ERBB4: variants seen among roughly 807,000 people sequenced by gnomAD.
ERBB4 encodes receptor tyrosine-protein kinase erbB-4.
A neutral mutation model predicts 158.0 loss-of-function variants in ERBB4; 42 were observed. The ratio of observed to expected loss-of-function variants is 0.27; its 90% CI spans 0.21 to 0.34. The LOEUF is 0.34. Ranked by LOEUF, ERBB4 falls within the 10% of genes least tolerant of loss-of-function variation. ERBB4 has a pLI of 1.00. For missense variants in ERBB4, 1,333 were observed against 1,624.1 expected, an observed-to-expected ratio of 0.82 and a Z score of 3.08; for synonymous variants, 583 against 558.7, an observed-to-expected ratio of 1.04 and a Z score of -0.61.
intron 1 of ERBB4, among the ~76,000 whole-genome samples, chr2:212,311,671 TTAAAAAC>T (rs2087051029): frequency 6.6e-6 from 1 of 150,996 alleles, no homozygotes; most frequent in South Asian, 2.1e-4. Context: ...CCTAAATTTT[TTAAAAAC>T]CACAAATGGG....
intron 4 of ERBB4, chr2:211,777,422 C>T (rs2075909286): frequency 6.6e-6 from 1 of 152,260 alleles, no homozygotes; most frequent in Non-Finnish European, 1.5e-5. Flanking sequence ...CCAAACATTA[C>T]CACTCTAAAT....
intron 1 of ERBB4, among the ~76,000 whole-genome samples, chr2:212,345,628 G>A (rs1234600537): frequency 5.3e-5 from 8 of 152,036 alleles, no homozygotes; most frequent in Non-Finnish European, 7.4e-5. Flanking sequence ...ATATTTCTGG[G>A]TAAATAACAG....
At chr2:211,793,025 T>G (rs538118848) in intron 3 of ERBB4, among the ~76,000 whole-genome samples, 1 of 151,954 alleles carries the variant, frequency 6.6e-6, no homozygotes, top group East Asian at 1.9e-4. Context: ...ATGACCTAAT[T>G]GTGATGTAAC....
intron 7 of ERBB4, among the ~76,000 whole-genome samples, chr2:211,719,620 C>A (rs947897688): frequency 6.6e-6 from 1 of 152,028 alleles, no homozygotes; most frequent in South Asian, 2.1e-4. Context: ...CTTTGGGAGG[C>A]CGAGGCGGGC....
chr2:212,031,069 T>G (rs542221273), intron 2 of ERBB4, among the ~76,000 whole-genome samples: 2 of 152,230 alleles, frequency 1.3e-5, no homozygotes, highest in South Asian at 4.1e-4. Flanking sequence ...TATTTTATGA[T>G]TCCTTGATTA....
chr2:211,668,251 C>T (rs2071704081), intron 14 of ERBB4, among the ~76,000 whole-genome samples: 1 of 152,114 alleles, frequency 6.6e-6, no homozygotes, highest in Non-Finnish European at 1.5e-5. Context: ...AAGTGCATGA[C>T]TGTATTTGAT....
At chr2:212,501,000 G>C (rs2106239425) in intron 1 of ERBB4, among the ~76,000 whole-genome samples, 1 of 152,158 alleles carries the variant, frequency 6.6e-6, no homozygotes, top group Non-Finnish European at 1.5e-5. Context: ...AATATCAAAA[G>C]ACTCTCAAGG....
chr2:212,356,014 C>T (rs2089450337), intron 1 of ERBB4, among the ~76,000 whole-genome samples: 3 of 151,960 alleles, frequency 2.0e-5, no homozygotes, highest in African/African-American at 7.2e-5. Flanking sequence ...ATTAATTCCT[C>T]TTTATATATA....
At chr2:212,268,087 C>A (rs1026933355) in intron 1 of ERBB4, among the ~76,000 whole-genome samples, 1 of 151,834 alleles carries the variant, frequency 6.6e-6, no homozygotes, top group African/African-American at 2.4e-5. Flanking sequence ...AGTTAGCATT[C>A]TCTAGAAGAA....
intron 3 of ERBB4, among the ~76,000 whole-genome samples, chr2:211,856,086 A>G (rs1247208174): frequency 6.6e-6 from 1 of 152,180 alleles, no homozygotes; most frequent in Non-Finnish European, 1.5e-5. Context: ...ATGTAACAAA[A>G]TTGCATTTAT....
chr2:212,346,173 A>C (rs1352678723), intron 1 of ERBB4, among the ~76,000 whole-genome samples: 3 of 152,164 alleles, frequency 2.0e-5, no homozygotes, highest in Non-Finnish European at 2.9e-5. Context: ...ACAGCCAAGA[A>C]TACCAGAGCA....
At chr2:212,293,619 A>G (rs1447896275) in intron 1 of ERBB4, among the ~76,000 whole-genome samples, 2 of 151,970 alleles carry the variant, frequency 1.3e-5, no homozygotes, top group African/African-American at 4.8e-5. Context: ...AGGTTGAGGC[A>G]GGTAGATTGC....
At chr2:211,717,203 C>A (rs557411927) in intron 7 of ERBB4, among the ~76,000 whole-genome samples, 88 of 152,226 alleles carry the variant, frequency 5.8e-4, no homozygotes, top group African/African-American at 2.0e-3. Context: ...TAGTATAATG[C>A]GCTTCTAAGA....
chr2:211,827,451 T>C (rs1210463757), intron 3 of ERBB4, among the ~76,000 whole-genome samples: 1 of 152,108 alleles, frequency 6.6e-6, no homozygotes, highest in Non-Finnish European at 1.5e-5. Context: ...TGTTTGTGTA[T>C]TTAGTTTGAC....
chr2:211,812,669 G>A (rs962215790), intron 3 of ERBB4, among the ~76,000 whole-genome samples: 1 of 152,206 alleles, frequency 6.6e-6, no homozygotes, highest in Non-Finnish European at 1.5e-5. Flanking sequence ...CAGGCAGCAG[G>A]CCTTGCTGAG....
intron 3 of ERBB4, among the ~76,000 whole-genome samples, chr2:211,917,078 G>T (rs115194127): frequency 0.03 from 4,589 of 152,210 alleles, 83 homozygotes; most frequent in Non-Finnish European, 0.047. Context: ...CTGATGTGAG[G>T]ATTTTAAAGC....
chr2:212,332,125 T>C (rs1481839064), intron 1 of ERBB4, among the ~76,000 whole-genome samples: 2 of 151,984 alleles, frequency 1.3e-5, no homozygotes, highest in Non-Finnish European at 2.9e-5. Context: ...GAATTTAACA[T>C]GAGGTACTGG....
At chr2:211,537,962 T>C (rs2125677184) in intron 20 of ERBB4, among the ~76,000 whole-genome samples, 1 of 152,046 alleles carries the variant, frequency 6.6e-6, no homozygotes, top group Non-Finnish European at 1.5e-5. Flanking sequence ...AAAATAACCA[T>C]CATGTTCAAA....
At chr2:212,278,702 G>T (rs1290617454) in intron 1 of ERBB4, among the ~76,000 whole-genome samples, 1 of 151,378 alleles carries the variant, frequency 6.6e-6, no homozygotes, top group African/African-American at 2.4e-5. Context: ...AGGCACATTT[G>T]GTAGCTAGTA....
Sources: gnomAD v4.1 joint callset for allele counts (sites outside exome capture counted in the v4.1 genomes callset) on GRCh38, gnomAD v4.1.1 for gene constraint, MANE v1.5 for transcripts, NCBI Gene and HGNC (gene_info 2026-07-23, HGNC 2026-07-21) for gene names.